The following TEX22 variants were observed in gnomAD, a reference collection of about 807,000 sequenced individuals.
The protein encoded by TEX22 is testis-expressed protein 22.
A neutral mutation model predicts 11.3 loss-of-function variants in TEX22; 16 were observed. That is an observed-to-expected ratio of 1.42 (90% CI 0.96 to 2.15). The LOEUF is 2.15. Ranked by LOEUF, TEX22 falls within the 30% of genes most tolerant of loss-of-function variation. The probability of loss-of-function intolerance (pLI) is 0.00; values close to 1 mark genes in which losing one functional copy is unlikely to be tolerated. For synonymous variants in TEX22, 97 were observed against 92.3 expected (o/e 1.05, Z -0.29); for missense variants, 220 against 208.6 (o/e 1.05, Z -0.34).
intron 2 of TEX22, 52 bp from the exon 3 acceptor site, chr14:105,411,316 C>A: frequency 8.0e-7 from 1 of 1,257,672 alleles, no homozygotes; most frequent in South Asian, 2.5e-5. Flanking sequence ...GTGGGAGCGG[C>A]GAAGGGGAGC....
At chr14:105,401,520 G>A (rs1443985703) in intron 2 of TEX22, among the ~76,000 whole-genome samples, 2 of 144,390 alleles carry the variant, frequency 1.4e-5, no homozygotes, top group African/African-American at 5.2e-5. Context: ...CTCATAGGTG[G>A]GAATTGAACA....
In TEX22 at chr14:105,411,350, C is replaced by T. The variant is rs1555419310; in HGVS notation, c.151-18C>T. On this transcript the variant is annotated intron_variant, in intron 2 of 3. Transcript: ENST00000451127. ...GCTGGCGCCGAGGCCCTCGCCGACC[C>T]GCTGCCCTGTCCCCCAGGTGTGCGA... 4 of 1,315,340 alleles carry T rather than the reference C, an allele frequency of 3.0e-6. No individual in the cohort carries two copies. Among genetic ancestry groups the T allele is most frequent in the Non-Finnish European group, 3.9e-6 (4 of 1,031,394 alleles). 81.5% of individuals were successfully genotyped at this position (1,315,340 alleles called of 1,614,324 possible).
intron 2 of TEX22, among the ~76,000 whole-genome samples, chr14:105,405,432 G>A (rs11621365): frequency 0.88 from 133,791 of 152,256 alleles, 61,383 homozygotes; most frequent in Non-Finnish European, 1. Context: ...CAATGAAAAC[G>A]GACTAAGTGT....
rs1555418142 is a variant in TEX22 at position 105,399,482 on chromosome 14, CAG to C, written c.143_144del (p.Gln48ArgfsTer91). 5 of 1,534,244 alleles carry C rather than the reference CAG, an allele frequency of 3.3e-6. No homozygotes were observed. The highest frequency in any genetic ancestry group is 4.4e-6 in the Non-Finnish European group (5 of 1,145,914). On this transcript the variant is annotated frameshift_variant, in exon 2 of 4. Transcript: ENST00000451127. LOFTEE classifies it high-confidence loss of function. ...CAGCGTTCAGCAGGGACTGCAGACT[CAG>C]GACTGGGTAAGCGGAAGGAAACCCT... ...QSSVQQGLQT[Q>X]DWVCEPPERR...
At chr14:105,401,587 TG>T (rs1177970013) in intron 2 of TEX22, among the ~76,000 whole-genome samples, 2 of 24,482 alleles carry the variant, frequency 8.2e-5, no homozygotes, top group Non-Finnish European at 1.5e-4. Context: ...TCTTGTGGGG[TG>T]GGGGGAGGGG....
intron 2 of TEX22, among the ~76,000 whole-genome samples, chr14:105,405,638 G>T (rs1227501373): frequency 6.6e-6 from 1 of 152,236 alleles, no homozygotes; most frequent in Non-Finnish European, 1.5e-5. Flanking sequence ...GAATGTGGTT[G>T]TGTGGACGCC....
At chr14:105,402,736 A>G (rs782054776) in intron 2 of TEX22, among the ~76,000 whole-genome samples, 1 of 150,332 alleles carries the variant, frequency 6.7e-6, no homozygotes, top group African/African-American at 2.5e-5. Flanking sequence ...AGCCTGGGCG[A>G]CAGAGCGAGA....
At chr14:105,400,506 C>A (rs587602187) in intron 2 of TEX22, among the ~76,000 whole-genome samples, 39 of 152,228 alleles carry the variant, frequency 2.6e-4, no homozygotes, top group African/African-American at 8.9e-4. Flanking sequence ...AGGCTTCTGT[C>A]CTGCACAGGG....
chr14:105,411,521 G>GGGGGCCCCCCCCCC, intron 3 of TEX22, 25 bp downstream of exon 3: 6 of 458,520 alleles, frequency 1.3e-5, no homozygotes, highest in Middle Eastern at 8.6e-4. Flanking sequence ...GGTCCTCCCC[G>GGGGGCCCCCCCCCC]CCCCGTCCCC....
At chr14:105,403,300 G>A (rs1230683906) in intron 2 of TEX22, among the ~76,000 whole-genome samples, 1 of 152,158 alleles carries the variant, frequency 6.6e-6, no homozygotes, top group African/African-American at 2.4e-5. Context: ...ATATTATTGT[G>A]GGTGTTGGGA....
At chr14:105,410,592 A>G (rs967047379) in intron 2 of TEX22, among the ~76,000 whole-genome samples, 16 of 152,244 alleles carry the variant, frequency 1.1e-4, no homozygotes, top group Middle Eastern at 3.4e-3. Flanking sequence ...GATCCCATGC[A>G]ATTCTGATTT....
intron 2 of TEX22, among the ~76,000 whole-genome samples, chr14:105,405,915 G>A (rs79235548): frequency 0.12 from 17,803 of 152,294 alleles, 1,365 homozygotes; most frequent in Admixed American, 0.19. Context: ...AACTAAAACT[G>A]TGTGGCCCTG....
chr14:105,408,978 C>T (rs1471798656), intron 2 of TEX22, among the ~76,000 whole-genome samples: 1 of 149,252 alleles, frequency 6.7e-6, no homozygotes, highest in East Asian at 2.0e-4. Context: ...GCTCCTCCTC[C>T]TCCTCCTCCC....
intron 2 of TEX22, among the ~76,000 whole-genome samples, chr14:105,404,657 A>T (rs1316632735): frequency 1.3e-5 from 2 of 152,228 alleles, no homozygotes; most frequent in African/African-American, 4.8e-5. Flanking sequence ...GAGCAGTAGC[A>T]TGCCTGTGCT....
rs999566903 is a variant in TEX22 at position 105,412,058 on chromosome 14, G to C, written c.*225G>C. On this transcript the variant is annotated 3_prime_UTR_variant, in exon 4 of 4. Coordinates refer to ENST00000451127, the MANE Select transcript of TEX22 (RefSeq NM_001195082.2). This position sits in a 1 kb window ranked among gnomAD's most constrained non-coding sequence, Gnocchi z 5.8. ...ATCTAGGGGAGGGGAACACTGCCCC[G>C]GGTCAGTCTGAGAGGGCCCTGGCAA... 7.1e-6 allele frequency: 3 copies of C among 420,134 alleles called. No homozygotes were observed. Among genetic ancestry groups the C allele is most frequent in the Non-Finnish European group, 1.3e-5 (3 of 239,688 alleles). 26.0% of individuals were successfully genotyped at this position (420,134 alleles called of 1,614,324 possible). A position where few individuals can be genotyped will look rare whatever the true frequency, so the allele number is the denominator to read the frequency against.
At chr14:105,409,192 C>T (rs1434031190) in intron 2 of TEX22, among the ~76,000 whole-genome samples, 1 of 152,008 alleles carries the variant, frequency 6.6e-6, no homozygotes, top group African/African-American at 2.4e-5. Flanking sequence ...CCCTACAATC[C>T]GCCTGCCTCC....
At chr14:105,409,501 CTTT>C (rs1232769820) in intron 2 of TEX22, among the ~76,000 whole-genome samples, 5 of 132,592 alleles carry the variant, frequency 3.8e-5, no homozygotes, top group Non-Finnish European at 3.2e-5. Context: ...TCTTCTTCTT[CTTT>C]TTTTTTTTTT....
intron 2 of TEX22, among the ~76,000 whole-genome samples, chr14:105,408,342 A>C (rs2081669804): frequency 6.6e-6 from 1 of 151,916 alleles, no homozygotes; most frequent in African/African-American, 2.4e-5. Flanking sequence ...CCGGGGTTCA[A>C]GTGGTTCTCC....
chr14:105,406,605 G>A (rs2081659568), intron 2 of TEX22, among the ~76,000 whole-genome samples: 1 of 151,482 alleles, frequency 6.6e-6, no homozygotes, highest in Non-Finnish European at 1.5e-5. Flanking sequence ...CTGCTCGGGA[G>A]GCAGAACAAG....
Sources: gnomAD v4.1 joint callset for allele counts (sites outside exome capture counted in the v4.1 genomes callset) on GRCh38, gnomAD v4.1.1 for gene constraint, Gnocchi (gnomAD v3.1) non-coding constraint, MANE v1.5 for transcripts, NCBI Gene and HGNC (gene_info 2026-07-23, HGNC 2026-07-21) for gene names.